Variants in MAML3 observed in about 807,000 individuals in gnomAD.
The protein encoded by MAML3 is mastermind-like protein 3.
MAML3 carries 27 observed loss-of-function variants against 101.9 expected under a neutral mutation model. The observed-to-expected ratio is 0.27, with a 90% CI of 0.20 to 0.37. MAML3 has a LOEUF of 0.37. Ranked by LOEUF, MAML3 falls within the 10% of genes least tolerant of loss-of-function variation. The pLI is 1.00. For missense variants in MAML3, 1,316 were observed against 1,444.9 expected (o/e 0.91, Z 1.45); for synonymous variants, 501 against 555.9 (o/e 0.90, Z 1.39).
intron 2 of MAML3, among the ~76,000 whole-genome samples, chr4:139,744,661 G>A (rs1313098525): frequency 6.6e-6 from 1 of 152,202 alleles, no homozygotes; most frequent in South Asian, 2.1e-4. Context: ...CAGCACAATG[G>A]CAGGGGCTAT....
At chr4:139,973,746 A>G (rs1169094766) in intron 1 of MAML3, among the ~76,000 whole-genome samples, 4 of 152,246 alleles carry the variant, frequency 2.6e-5, no homozygotes, top group East Asian at 1.9e-4. Context: ...ACCAGCTCAG[A>G]GGATGGGATG....
In MAML3 at chr4:139,735,364, T is replaced by G. The variant is rs1412268732; in HGVS notation, c.2080-4697A>C. Reference sequence around the variant, plus strand: ...ACTGGTTTCTCATTACCGACTTTTCTTCCAGCCGGAGGGGAGGAAGAATTC... The same window carrying G: ...ACTGGTTTCTCATTACCGACTTTTCGTCCAGCCGGAGGGGAGGAAGAATTC... On this transcript the variant is annotated intron_variant, in intron 2 of 4. Coordinates refer to ENST00000509479, the MANE Select transcript of MAML3 (RefSeq NM_018717.5). This position sits in a 1 kb window ranked among gnomAD's most constrained non-coding sequence, Gnocchi z 5.8. Among the ~76,000 whole-genome samples, 5 of 152,034 alleles carry G rather than the reference T, an allele frequency of 3.3e-5. No individual in the cohort carries two copies. The highest frequency in any genetic ancestry group is 1.5e-5 in the Non-Finnish European group (1 of 68,002).
chr4:139,953,139 C>A (rs1234839577), intron 1 of MAML3, among the ~76,000 whole-genome samples: 1 of 152,094 alleles, frequency 6.6e-6, no homozygotes, highest in South Asian at 2.1e-4. Context: ...AAGAATGTGC[C>A]TACATATACA....
At position 140,153,019 on chromosome 4, in the gene MAML3, C is replaced by G; in HGVS notation, c.309G>C (p.Leu103=). 1 of 1,601,056 alleles carries G rather than the reference C, an allele frequency of 6.2e-7. No homozygotes were observed. Among genetic ancestry groups the G allele is most frequent in the Non-Finnish European group, 8.5e-7 (1 of 1,173,968 alleles). ...TCACGGTGTCCCGGCGCTCCAGCTC[C>G]AGCTGCTCCACCTGAGCCTGCTGGT... ...NRYQQAQVEQ[L]ELERRDTVSL... is the part of the protein sequence containing the mutation. Residue 103 remains leucine (L), a synonymous_variant, in exon 1 of 5, where the codon CTG becomes CTC. Coordinates refer to ENST00000509479, the MANE Select transcript of MAML3 (RefSeq NM_018717.5).
At chr4:140,043,652 C>T (rs74828044) in intron 1 of MAML3, among the ~76,000 whole-genome samples, 2,762 of 152,292 alleles carry the variant, frequency 0.018, 57 homozygotes, top group African/African-American at 0.062. Flanking sequence ...GCAGCACTGT[C>T]CCTGGAAGAG....
At chr4:140,012,712 T>C (rs1188947478) in intron 1 of MAML3, among the ~76,000 whole-genome samples, 3 of 152,346 alleles carry the variant, frequency 2.0e-5, no homozygotes, top group South Asian at 2.1e-4. Context: ...GATCTGGCCC[T>C]AACCACCTCT....
intron 1 of MAML3, among the ~76,000 whole-genome samples, chr4:140,081,508 C>T (rs1173620021): frequency 6.6e-6 from 1 of 152,100 alleles, no homozygotes; most frequent in Non-Finnish European, 1.5e-5. Context: ...AACATAAATG[C>T]AAAATTCACT....
At chr4:139,916,392 AT>A (rs1445088747) in intron 1 of MAML3, among the ~76,000 whole-genome samples, 1 of 152,232 alleles carries the variant, frequency 6.6e-6, no homozygotes. Flanking sequence ...ATAACTATAC[AT>A]TGGCCACTAA....
chr4:139,857,499 C>T (rs1731683210), intron 2 of MAML3, among the ~76,000 whole-genome samples: 1 of 152,142 alleles, frequency 6.6e-6, no homozygotes, highest in African/African-American at 2.4e-5. Context: ...GCTAAAATAG[C>T]TCTGTTGATT....
At chr4:139,974,625 G>C (rs971709861) in intron 1 of MAML3, among the ~76,000 whole-genome samples, 2 of 152,148 alleles carry the variant, frequency 1.3e-5, no homozygotes, top group African/African-American at 4.8e-5. Context: ...GGAGTCAGAA[G>C]AGATGATTCC....
chr4:139,913,468 A>C (rs1732969180), intron 1 of MAML3, among the ~76,000 whole-genome samples: 1 of 152,048 alleles, frequency 6.6e-6, no homozygotes, highest in Non-Finnish European at 1.5e-5. Context: ...TGATTTTTGG[A>C]TAAAAAATCC....
In MAML3 at chr4:140,073,703, A is replaced by G. The variant is rs538308183; in HGVS notation, c.468+79157T>C. 8.7e-4 allele frequency among the ~76,000 whole-genome samples: 133 copies of G among 152,322 alleles called. 2 individuals carry two copies. In the South Asian group the frequency reaches 0.015, roughly 18 times the overall value. The stretch of plus-strand genomic sequence containing the variant: ...CTAAAGCTAGAAAAAATAGTCTTCA[A>G]AATAATCCATATGTTGCTTTTTGCA... On this transcript the variant is annotated intron_variant, in intron 1 of 4. Transcript: ENST00000509479.
chr4:140,146,189 T>A (rs898646641), intron 1 of MAML3, among the ~76,000 whole-genome samples: 2 of 152,138 alleles, frequency 1.3e-5, no homozygotes, highest in African/African-American at 2.4e-5. Context: ...TGAGATTTTT[T>A]AATTAAATTT....
intron 1 of MAML3, among the ~76,000 whole-genome samples, chr4:140,129,283 T>C (rs989092160): frequency 6.6e-6 from 1 of 152,168 alleles, no homozygotes; most frequent in Non-Finnish European, 1.5e-5. Context: ...TGACAAATTG[T>C]GGACCCCACG....
chr4:139,969,752 T>C (rs558040276), intron 1 of MAML3, among the ~76,000 whole-genome samples: 1 of 152,292 alleles, frequency 6.6e-6, no homozygotes, highest in Non-Finnish European at 1.5e-5. Context: ...AAGCATGCTC[T>C]ACCTAAACAC....
At chr4:139,923,270 C>T (rs796641639) in intron 1 of MAML3, among the ~76,000 whole-genome samples, 1 of 152,346 alleles carries the variant, frequency 6.6e-6, no homozygotes, top group African/African-American at 2.4e-5. Flanking sequence ...TTACCAGCCC[C>T]ACCCTGCAGT....
chr4:139,902,581 A>G (rs736349), intron 1 of MAML3, among the ~76,000 whole-genome samples: 125,269 of 152,080 alleles, frequency 0.82, 52,470 homozygotes, highest in South Asian at 0.91. Context: ...ACAGGCAAAC[A>G]TGGAAGTCAT....
chr4:139,952,897 G>A (rs1281333236), intron 1 of MAML3, among the ~76,000 whole-genome samples: 3 of 152,168 alleles, frequency 2.0e-5, no homozygotes, highest in Non-Finnish European at 1.5e-5. Context: ...GATCCGTGGA[G>A]GAGCTACAAG....
chr4:139,968,906 A>C (rs1055523951), intron 1 of MAML3, among the ~76,000 whole-genome samples: 3 of 152,076 alleles, frequency 2.0e-5, no homozygotes, highest in African/African-American at 7.2e-5. Context: ...TTCCAGTCCC[A>C]GGGTAGCAAG....
Sources: gnomAD v4.1 joint callset for allele counts (sites outside exome capture counted in the v4.1 genomes callset) on GRCh38, gnomAD v4.1.1 for gene constraint, Gnocchi (gnomAD v3.1) non-coding constraint, MANE v1.5 for transcripts, NCBI Gene and HGNC (gene_info 2026-07-23, HGNC 2026-07-21) for gene names.